The following SPIRE1 variants were observed in gnomAD, a reference collection of about 807,000 sequenced individuals.
The protein encoded by SPIRE1 is protein spire homolog 1.
Under a neutral mutation model 94.1 loss-of-function variants are expected in SPIRE1, and 40 were observed. The observed-to-expected ratio is 0.43, with a 90% CI of 0.33 to 0.55. The LOEUF (loss-of-function observed/expected upper bound fraction) is 0.55, where lower values mean the gene tolerates loss of function less well. Among genes scored for constraint, SPIRE1 ranks in the 20% least tolerant of loss-of-function variants. The pLI, the probability that SPIRE1 is intolerant of heterozygous loss-of-function variation, is 0.06. For missense variants in SPIRE1, 838 were observed against 975.2 expected (o/e 0.86, Z 1.87); for synonymous variants, 376 against 371.7 (o/e 1.01, Z -0.13).
chr18:12,565,459 C>T (rs2035793632), intron 2 of SPIRE1, among the ~76,000 whole-genome samples: 1 of 152,104 alleles, frequency 6.6e-6, no homozygotes, highest in Admixed American at 6.5e-5. Context: ...ACTGCAACCT[C>T]TGCCTCCTGG....
chr18:12,579,049 AT>A (rs201069792), intron 2 of SPIRE1, among the ~76,000 whole-genome samples: 12 of 151,722 alleles, frequency 7.9e-5, no homozygotes, highest in South Asian at 6.2e-4. Flanking sequence ...GTCTTTTTGA[AT>A]TTTTTTTTAA....
upstream of SPIRE1, chr18:12,661,385 C>A (rs1414222663): frequency 5.9e-5 from 58 of 982,644 alleles, no homozygotes; most frequent in South Asian, 2.2e-3. Flanking sequence ...GCTGACCACT[C>A]AAAGGCTACC....
At chr18:12,636,084 G>A (rs1055005525) in intron 1 of SPIRE1, among the ~76,000 whole-genome samples, 7 of 151,794 alleles carry the variant, frequency 4.6e-5, no homozygotes, top group African/African-American at 1.7e-4. Context: ...GTAGAGATGG[G>A]GTTTTGCCAT....
At chr18:12,543,648 T>C (rs1041121296) in intron 3 of SPIRE1, among the ~76,000 whole-genome samples, 2 of 152,174 alleles carry the variant, frequency 1.3e-5, no homozygotes, top group African/African-American at 2.4e-5. Context: ...ACATAACAAA[T>C]TATTAGATTA....
At chr18:12,654,273 GT>G (rs1324621111) in intron 1 of SPIRE1, among the ~76,000 whole-genome samples, 1 of 146,494 alleles carries the variant, frequency 6.8e-6, no homozygotes, top group Non-Finnish European at 1.5e-5. Context: ...GGAGGCGGAG[GT>G]TGCAGTCAGC....
At chr18:12,562,708 C>T (rs2035722006) in intron 2 of SPIRE1, among the ~76,000 whole-genome samples, 2 of 135,996 alleles carry the variant, frequency 1.5e-5, no homozygotes, top group Admixed American at 1.7e-4. Flanking sequence ...AAGGGTCTCA[C>T]TATGTTGCCT....
chr18:12,549,574 CTT>C (rs1390107388), intron 2 of SPIRE1, among the ~76,000 whole-genome samples: 1 of 148,406 alleles, frequency 6.7e-6, no homozygotes, highest in African/African-American at 2.5e-5. Context: ...GCCTCAGCCT[CTT>C]GAGTAGCTGG....
At chr18:12,557,339 C>A (rs150404651) in intron 2 of SPIRE1, among the ~76,000 whole-genome samples, 27 of 152,330 alleles carry the variant, frequency 1.8e-4, no homozygotes, top group African/African-American at 6.5e-4. Context: ...TGAGTGCAGG[C>A]AGGCCGACAG....
intron 2 of SPIRE1, among the ~76,000 whole-genome samples, chr18:12,606,298 A>G (rs1015112596): frequency 6.6e-6 from 1 of 152,174 alleles, no homozygotes; most frequent in African/African-American, 2.4e-5. Flanking sequence ...CCAGTGCCTA[A>G]AACAACTGTC....
chr18:12,657,462 C>G (rs2038581666), intron 1 of SPIRE1, 68 bp downstream of exon 1: 14 of 1,174,974 alleles, frequency 1.2e-5, no homozygotes, highest in Non-Finnish European at 1.4e-5. Flanking sequence ...GCCGGGGACG[C>G]TGAGGGTAAG....
intron 2 of SPIRE1, among the ~76,000 whole-genome samples, chr18:12,552,261 C>CA (rs1177272058): frequency 6.6e-6 from 1 of 152,206 alleles, no homozygotes; most frequent in Non-Finnish European, 1.5e-5. Flanking sequence ...GAGCTGGGCT[C>CA]AGAGCCAGTG....
intron 1 of SPIRE1, chr18:12,653,329 G>A (rs933017497): frequency 1.3e-5 from 2 of 152,160 alleles, no homozygotes; most frequent in African/African-American, 4.8e-5. Context: ...ACAGTATAGT[G>A]GTGAGAAAGG....
intron 6 of SPIRE1, among the ~76,000 whole-genome samples, chr18:12,502,657 C>T (rs189906539): frequency 1.1e-4 from 16 of 152,272 alleles, no homozygotes; most frequent in Admixed American, 5.2e-4. Context: ...ATCTATTCAT[C>T]TCACCAATAA....
intron 2 of SPIRE1, among the ~76,000 whole-genome samples, chr18:12,631,568 A>AAAAAC (rs2037780534): frequency 6.7e-6 from 1 of 149,860 alleles, no homozygotes; most frequent in Non-Finnish European, 1.5e-5. Context: ...AAAAAAAAAA[A>AAAAAC]AAAAAAACAT....
intron 2 of SPIRE1, among the ~76,000 whole-genome samples, chr18:12,631,539 C>A (rs531501638): frequency 1.6e-5 from 1 of 63,626 alleles, no homozygotes; most frequent in Non-Finnish European, 3.2e-5. Context: ...TAGCAAAACC[C>A]CATCTCTACA....
At chr18:12,478,252 C>T (rs1289399267) in intron 10 of SPIRE1, among the ~76,000 whole-genome samples, 1 of 151,898 alleles carries the variant, frequency 6.6e-6, no homozygotes, top group Non-Finnish European at 1.5e-5. Context: ...TGTGTGCATG[C>T]ACGCAGGTGT....
intron 1 of SPIRE1, among the ~76,000 whole-genome samples, chr18:12,646,578 A>G (rs1160306609): frequency 6.6e-6 from 1 of 152,164 alleles, no homozygotes; most frequent in Non-Finnish European, 1.5e-5. Context: ...ACCTATAGGG[A>G]TTGTTAGTGA....
chr18:12,660,611 GT>G (rs1248047707), upstream of SPIRE1, among the ~76,000 whole-genome samples: 1 of 152,086 alleles, frequency 6.6e-6, no homozygotes, highest in African/African-American at 2.4e-5. Flanking sequence ...GTGAGCCACT[GT>G]GCCCGGCCAA....
intron 2 of SPIRE1, among the ~76,000 whole-genome samples, chr18:12,591,482 A>G (rs144101129): frequency 2.7e-3 from 415 of 152,320 alleles, no homozygotes; most frequent in African/African-American, 9.6e-3. Flanking sequence ...ATGACGTTAC[A>G]TGACAAAAAA....
Sources: gnomAD v4.1 joint callset for allele counts (sites outside exome capture counted in the v4.1 genomes callset) on GRCh38, gnomAD v4.1.1 for gene constraint, MANE v1.5 for transcripts, NCBI Gene and HGNC (gene_info 2026-07-23, HGNC 2026-07-21) for gene names.